The following VEGFC variants were observed in gnomAD, a reference collection of about 807,000 sequenced individuals.
The protein encoded by VEGFC is vascular endothelial growth factor C.
VEGFC carries 12 observed loss-of-function variants against 46.1 expected under a neutral mutation model. That is an observed-to-expected ratio of 0.26 (90% CI 0.17 to 0.42). The LOEUF is 0.42. Ranked by LOEUF, VEGFC falls within the 10% of genes least tolerant of loss-of-function variation. The pLI, the probability that VEGFC is intolerant of heterozygous loss-of-function variation, is 1.00. For synonymous variants in VEGFC, 232 were observed against 195.5 expected (o/e 1.19, Z -1.56); for missense variants, 488 against 529.4 (o/e 0.92, Z 0.77).
At chr4:176,727,707 C>T (rs1734895015) in intron 3 of VEGFC, 71 bp downstream of exon 3, 1 of 1,474,112 alleles carries the variant, frequency 6.8e-7, no homozygotes, top group Non-Finnish European at 9.1e-7. Flanking sequence ...GAAGTTTAAA[C>T]ACATCATCCC....
At chr4:176,732,816 A>G (rs569656419) in intron 1 of VEGFC, among the ~76,000 whole-genome samples, 1 of 151,910 alleles carries the variant, frequency 6.6e-6, no homozygotes, top group Non-Finnish European at 1.5e-5. Flanking sequence ...CATAATTTTT[A>G]AAGTGACAAA....
intron 1 of VEGFC, among the ~76,000 whole-genome samples, chr4:176,746,848 T>C (rs1182724707): frequency 2.0e-5 from 3 of 152,102 alleles, no homozygotes; most frequent in Non-Finnish European, 1.5e-5. Context: ...GTTATTCATA[T>C]AAAGCCAGTA....
At chr4:176,773,577 A>G (rs2110931272) in intron 1 of VEGFC, among the ~76,000 whole-genome samples, 1 of 152,374 alleles carries the variant, frequency 6.6e-6, no homozygotes, top group African/African-American at 2.4e-5. Context: ...GACCAAAGAA[A>G]GAAGAATAAA....
intron 1 of VEGFC, among the ~76,000 whole-genome samples, chr4:176,771,796 G>A (rs916603783): frequency 4.6e-5 from 7 of 152,106 alleles, no homozygotes; most frequent in East Asian, 1.9e-4. Flanking sequence ...ATCATTCATC[G>A]CCCTCTTATG....
chr4:176,755,950 T>A (rs1464576299), intron 1 of VEGFC, among the ~76,000 whole-genome samples: 1 of 152,034 alleles, frequency 6.6e-6, no homozygotes, highest in Non-Finnish European at 1.5e-5. Flanking sequence ...ATGCCAGAGA[T>A]TATTTTATAG....
intron 1 of VEGFC, among the ~76,000 whole-genome samples, chr4:176,748,015 T>C (rs1004638422): frequency 2.0e-5 from 3 of 151,860 alleles, no homozygotes; most frequent in African/African-American, 7.2e-5. Context: ...GAACAATTCC[T>C]TTGGGATTAG....
intron 3 of VEGFC, among the ~76,000 whole-genome samples, chr4:176,721,556 G>A (rs529007164): frequency 6.6e-6 from 1 of 152,332 alleles, no homozygotes; most frequent in South Asian, 2.1e-4. Context: ...CTAGATCAGA[G>A]CGGGATTAGC....
At chr4:176,759,921 A>T (rs933897316) in intron 1 of VEGFC, among the ~76,000 whole-genome samples, 18 of 152,122 alleles carry the variant, frequency 1.2e-4, no homozygotes, top group African/African-American at 3.6e-4. Context: ...AAATGTTAAC[A>T]TGGTATCATT....
intron 4 of VEGFC, among the ~76,000 whole-genome samples, chr4:176,703,328 A>T (rs1579095414): frequency 6.6e-6 from 1 of 152,130 alleles, no homozygotes; most frequent in Admixed American, 6.6e-5. Context: ...TTGCATCAAC[A>T]TGGAGGGAAC....
intron 4 of VEGFC, among the ~76,000 whole-genome samples, chr4:176,689,137 C>A: frequency 6.6e-6 from 1 of 152,186 alleles, no homozygotes; most frequent in East Asian, 1.9e-4. Context: ...TTATTTATAT[C>A]TTTCACACTC....
Position 176,740,513 on chromosome 4 carries a change from A to ATAGAGTATATATAACTATATATTC in VEGFC, c.148-10768_148-10767insGAATATATAGTTATATATACTCTA, listed in dbSNP as rs1441882639. The stretch of plus-strand genomic sequence containing the variant: ...GAGTATATATAACTATATATTCTAT[A>ATAGAGTATATATAACTATATATTC]TATAGAGAGTATATATAACTATATA... On this transcript the variant is annotated intron_variant, in intron 1 of 6. Transcript: ENST00000618562. 3.8e-3 allele frequency among the ~76,000 whole-genome samples: 206 copies of ATAGAGTATATATAACTATATATTC among 54,122 alleles called. 5 individuals are homozygous for ATAGAGTATATATAACTATATATTC. Among genetic ancestry groups the ATAGAGTATATATAACTATATATTC allele is most frequent in the Non-Finnish European group, 0.012 (153 of 12,896 alleles). 35.5% of individuals were successfully genotyped at this position (54,122 alleles called of 152,430 possible).
intron 1 of VEGFC, among the ~76,000 whole-genome samples, chr4:176,741,376 A>C (rs28549799): frequency 0.072 from 10,998 of 151,996 alleles, 421 homozygotes; most frequent in Non-Finnish European, 0.091. Flanking sequence ...ATTATATTGG[A>C]ACATTCCACA....
intron 1 of VEGFC, among the ~76,000 whole-genome samples, chr4:176,757,438 G>T (rs1198617335): frequency 1.3e-5 from 2 of 152,012 alleles, no homozygotes; most frequent in African/African-American, 4.8e-5. Context: ...TATGCACAGA[G>T]CATAAAACTA....
chr4:176,755,941 T>A (rs1157333454), intron 1 of VEGFC, among the ~76,000 whole-genome samples: 2 of 152,038 alleles, frequency 1.3e-5, no homozygotes, highest in Non-Finnish European at 2.9e-5. Context: ...TATATTCCTA[T>A]GCCAGAGATT....
chr4:176,760,867 C>A (rs1372114299), intron 1 of VEGFC, among the ~76,000 whole-genome samples: 1 of 152,142 alleles, frequency 6.6e-6, no homozygotes, highest in Non-Finnish European at 1.5e-5. Flanking sequence ...CTGATCTTAG[C>A]TGGATGTATT....
chr4:176,685,427 T>C (rs1734022358), intron 6 of VEGFC, among the ~76,000 whole-genome samples: 1 of 152,158 alleles, frequency 6.6e-6, no homozygotes, highest in Non-Finnish European at 1.5e-5. Context: ...TTTGCTCCAA[T>C]TTATATCACA....
intron 1 of VEGFC, among the ~76,000 whole-genome samples, chr4:176,764,349 A>G (rs1425908674): frequency 6.6e-6 from 1 of 152,210 alleles, no homozygotes. Context: ...AAAACATTAA[A>G]GTTTGGGCCT....
chr4:176,772,825 C>T (rs966330224), intron 1 of VEGFC, among the ~76,000 whole-genome samples: 1 of 152,150 alleles, frequency 6.6e-6, no homozygotes, highest in Non-Finnish European at 1.5e-5. Flanking sequence ...AAGGCCCTCA[C>T]CAGACACAGC....
At chr4:176,779,600 C>A (rs1263677409) in intron 1 of VEGFC, among the ~76,000 whole-genome samples, 1 of 152,140 alleles carries the variant, frequency 6.6e-6, no homozygotes, top group Non-Finnish European at 1.5e-5. Flanking sequence ...ACACTTTCCT[C>A]TGGAGTGAAA....
Sources: gnomAD v4.1 joint callset for allele counts (sites outside exome capture counted in the v4.1 genomes callset) on GRCh38, gnomAD v4.1.1 for gene constraint, MANE v1.5 for transcripts, NCBI Gene and HGNC (gene_info 2026-07-23, HGNC 2026-07-21) for gene names.